Variants in IQCM observed in about 807,000 individuals in gnomAD.
IQCM encodes IQ motif containing M.
IQCM carries 45 observed loss-of-function variants against 57.6 expected under a neutral mutation model. The observed-to-expected ratio is 0.78, with a 90% CI of 0.62 to 1.00. The LOEUF (loss-of-function observed/expected upper bound fraction) is 1.00, where lower values mean the gene tolerates loss of function less well. Among genes scored for constraint, IQCM ranks in the 50% least tolerant of loss-of-function variants. The pLI is 0.00. For missense variants in IQCM, 468 were observed against 511.6 expected, an observed-to-expected ratio of 0.91 and a Z score of 0.82; for synonymous variants, 148 against 158.9, an observed-to-expected ratio of 0.93 and a Z score of 0.51.
intron 13 of IQCM, among the ~76,000 whole-genome samples, chr4:149,368,854 A>ATATATATACATATATACACG (rs1730079049): frequency 2.2e-5 from 1 of 44,532 alleles, no homozygotes; most frequent in Admixed American, 2.1e-4. Context: ...ATATATATAC[A>ATATATATACATATATACACG]TGTATATATA....
At chr4:149,482,443 G>T (rs1489816902) in intron 12 of IQCM, among the ~76,000 whole-genome samples, 1 of 151,882 alleles carries the variant, frequency 6.6e-6, no homozygotes, top group East Asian at 1.9e-4. Flanking sequence ...ATTATGTTGA[G>T]GTATGCTCCT....
At chr4:149,716,651 GGCT>G (rs902556399) in intron 5 of IQCM, among the ~76,000 whole-genome samples, 1 of 152,142 alleles carries the variant, frequency 6.6e-6, no homozygotes, top group African/African-American at 2.4e-5. Context: ...GCTCCAGATG[GGCT>G]GCTGCTGCCA....
At chr4:149,428,743 T>C (rs924546824) in intron 13 of IQCM, among the ~76,000 whole-genome samples, 9 of 151,676 alleles carry the variant, frequency 5.9e-5, no homozygotes, top group East Asian at 3.9e-4. Context: ...GCAAACTGAA[T>C]TGCGTAAAAA....
chr4:149,464,793 C>T (rs1738672507), intron 12 of IQCM, among the ~76,000 whole-genome samples: 1 of 152,074 alleles, frequency 6.6e-6, no homozygotes, highest in Non-Finnish European at 1.5e-5. Context: ...TGGTGCCTCT[C>T]AGGTACGTAA....
chr4:149,805,604 T>G (rs1774002813), intron 2 of IQCM, among the ~76,000 whole-genome samples: 1 of 152,042 alleles, frequency 6.6e-6, no homozygotes. Context: ...TTAAAACAAC[T>G]TTGTATATTT....
intron 7 of IQCM, among the ~76,000 whole-genome samples, chr4:149,640,861 C>T (rs1391723581): frequency 6.6e-6 from 1 of 152,152 alleles, no homozygotes; most frequent in Non-Finnish European, 1.5e-5. Flanking sequence ...GGCGCAGTGG[C>T]TCACATCTAT....
Position 149,735,465 on chromosome 4 carries a change from TACAA to T in IQCM, c.38-11_38-8del, listed in dbSNP as rs1766849473. On this transcript the variant is annotated splice_polypyrimidine_tract_variant and splice_region_variant and intron_variant, in intron 3 of 13. Coordinates refer to ENST00000636793, the MANE Select transcript of IQCM (RefSeq NM_001363507.2). ...GTGATCTCTAATGTAGGACCTAATA[TACAA>T]ACAGAGAAACATTTTTTAAGCAGTT... 1 of 1,163,796 alleles carries T rather than the reference TACAA, an allele frequency of 8.6e-7. No homozygotes were observed. The highest frequency in any genetic ancestry group is 1.1e-6 in the Non-Finnish European group (1 of 924,876). The allele number at this position is 1,163,796 out of a possible 1,614,324, so 72.1% of individuals were successfully genotyped here.
rs199762753 is a variant in IQCM, at chr4:149,438,925, TAAAC to T, written c.1229-5372_1229-5369del. ...AATGAAATACCAACATTACTTAACT[TAAAC>T]AAGAGTGAAAATGTTCTCTAACCCT... On this transcript the variant is annotated intron_variant, in intron 12 of 13. Coordinates refer to ENST00000636793, the MANE Select transcript of IQCM (RefSeq NM_001363507.2). Among the ~76,000 whole-genome samples, 879 of 152,124 alleles carry T rather than the reference TAAAC, an allele frequency of 5.8e-3. 5 individuals carry two copies. The highest frequency in any genetic ancestry group is 8.2e-3 in the Non-Finnish European group (557 of 67,936).
At chr4:149,652,278 A>C (rs1418449610) in intron 7 of IQCM, among the ~76,000 whole-genome samples, 1 of 152,010 alleles carries the variant, frequency 6.6e-6, no homozygotes, top group Non-Finnish European at 1.5e-5. Flanking sequence ...GGGAAACTTC[A>C]CATGCCAGGG....
At position 149,771,287 on chromosome 4, in the gene IQCM, TCTAA is replaced by T. The variant is rs1437811761; in HGVS notation, c.-48-28552_-48-28549del. ...CTAAATTTTTGTCTTCGAATTGTCA[TCTAA>T]CTATCTGCCCCTGTCAAGCACAATG... On this transcript the variant is annotated intron_variant, in intron 2 of 13. Transcript: ENST00000636793. 3.9e-5 allele frequency among the ~76,000 whole-genome samples: 6 copies of T among 152,070 alleles called. No individual in the cohort carries two copies. The East Asian group carries it at 5.8e-4, about 15-fold the overall frequency.
intron 5 of IQCM, among the ~76,000 whole-genome samples, chr4:149,726,553 AT>A (rs1420559403): frequency 1.3e-5 from 2 of 151,780 alleles, no homozygotes; most frequent in East Asian, 1.9e-4. Context: ...CAGTTCTTGG[AT>A]TTTTTTTCTA....
At chr4:149,357,534 T>C (rs1177332359) in intron 13 of IQCM, among the ~76,000 whole-genome samples, 1 of 152,224 alleles carries the variant, frequency 6.6e-6, no homozygotes, top group Non-Finnish European at 1.5e-5. Context: ...TCTGTTTATA[T>C]GATGGATTAC....
intron 12 of IQCM, among the ~76,000 whole-genome samples, chr4:149,472,654 G>T (rs568124770): frequency 2.0e-5 from 3 of 152,048 alleles, no homozygotes; most frequent in Non-Finnish European, 4.4e-5. Context: ...AAAAGAGCCC[G>T]CATTGCCAAG....
intron 2 of IQCM, among the ~76,000 whole-genome samples, chr4:149,749,610 G>T (rs1768244543): frequency 6.6e-6 from 1 of 151,960 alleles, no homozygotes; most frequent in South Asian, 2.1e-4. Flanking sequence ...TTTATCAGAG[G>T]GTGATTATAG....
chr4:149,670,868 A>T (rs878911409), intron 7 of IQCM, among the ~76,000 whole-genome samples: 4 of 151,772 alleles, frequency 2.6e-5, no homozygotes, highest in African/African-American at 4.8e-5. Flanking sequence ...GTGCTGCTGG[A>T]TTCGGTTTGC....
chr4:149,353,572 GC>G (rs1728721931), intron 13 of IQCM, among the ~76,000 whole-genome samples: 1 of 152,072 alleles, frequency 6.6e-6, no homozygotes, highest in South Asian at 2.1e-4. Context: ...AAGAACTGTA[GC>G]ATATATATAC....
intron 12 of IQCM, among the ~76,000 whole-genome samples, chr4:149,520,104 A>G (rs1315952077): frequency 6.6e-6 from 1 of 152,222 alleles, no homozygotes; most frequent in Non-Finnish European, 1.5e-5. Flanking sequence ...TAATAATGGT[A>G]GGGTAATAAT....
intron 5 of IQCM, 143 bp from the exon 6 acceptor site, chr4:149,686,611 T>A (rs891112755): frequency 2.0e-5 from 8 of 392,084 alleles, no homozygotes; most frequent in Non-Finnish European, 3.6e-5. Context: ...ATACTAAAAA[T>A]CACAGCTGAG....
At chr4:149,627,623 AC>A (rs916271874) in intron 7 of IQCM, among the ~76,000 whole-genome samples, 6 of 152,268 alleles carry the variant, frequency 3.9e-5, no homozygotes, top group African/African-American at 1.4e-4. Flanking sequence ...GGTTGTGTGA[AC>A]CCAGGTCTAT....
Sources: gnomAD v4.1 joint callset for allele counts (sites outside exome capture counted in the v4.1 genomes callset) on GRCh38, gnomAD v4.1.1 for gene constraint, MANE v1.5 for transcripts, NCBI Gene and HGNC (gene_info 2026-07-23, HGNC 2026-07-21) for gene names.